The following SRRM4 variants were observed in gnomAD, a reference collection of about 807,000 sequenced individuals.
SRRM4 encodes the protein serine/arginine repetitive matrix 4.
A neutral mutation model predicts 68.9 loss-of-function variants in SRRM4; 33 were observed. That is an observed-to-expected ratio of 0.48 (90% CI 0.36 to 0.64). SRRM4 has a LOEUF of 0.64. SRRM4 is among the 30% of genes least tolerant of loss of function. The probability of loss-of-function intolerance (pLI) is 0.00; values close to 1 mark genes in which losing one functional copy is unlikely to be tolerated. For missense variants in SRRM4, 817 were observed against 827.1 expected, an observed-to-expected ratio of 0.99 and a Z score of 0.15; for synonymous variants, 318 against 318.8, an observed-to-expected ratio of 1.00 and a Z score of 0.03.
intron 11 of SRRM4, among the ~76,000 whole-genome samples, chr12:119,153,915 A>G (rs903548630): frequency 4.0e-5 from 6 of 151,648 alleles, no homozygotes; most frequent in Non-Finnish European, 5.9e-5. Flanking sequence ...GACCGTCCCC[A>G]TATTCAGAGC....
At chr12:119,144,848 G>C (rs1027075945) in intron 8 of SRRM4, among the ~76,000 whole-genome samples, 1 of 151,738 alleles carries the variant, frequency 6.6e-6, no homozygotes, top group African/African-American at 2.4e-5. Context: ...ATTTGTTTAG[G>C]TTTCTATTCA....
chr12:119,013,475 T>TA lies in SRRM4; in HGVS notation c.131+31468dup, dbSNP rs1398800469. Among the ~76,000 whole-genome samples, 13 of 152,338 alleles carry TA rather than the reference T, an allele frequency of 8.5e-5. 1 individual carries two copies. The highest frequency in any genetic ancestry group is 4.1e-4 in the South Asian group (2 of 4,828). On this transcript the variant is annotated intron_variant, in intron 1 of 12. Coordinates refer to ENST00000267260, the MANE Select transcript of SRRM4 (RefSeq NM_194286.4). ...TTTATAAAAAGTACTGCAGAAGTAT[T>TA]AAAAAACCCCAAAATTTCCTTCATC...
At chr12:119,006,764 T>C (rs1256975754) in intron 1 of SRRM4, among the ~76,000 whole-genome samples, 3 of 152,236 alleles carry the variant, frequency 2.0e-5, no homozygotes, top group Non-Finnish European at 2.9e-5. Context: ...ACTGATTCTA[T>C]TGGTCAAATG....
At chr12:119,153,346 G>A (rs1328271273) in intron 10 of SRRM4, among the ~76,000 whole-genome samples, 193 bp from the exon 11 acceptor site, 2 of 143,904 alleles carry the variant, frequency 1.4e-5, no homozygotes, top group Non-Finnish European at 3.0e-5. Flanking sequence ...GCACAAAATA[G>A]AAGTTGTTGG....
At chr12:119,072,651 A>G (rs1053119037) in intron 1 of SRRM4, among the ~76,000 whole-genome samples, 3 of 152,126 alleles carry the variant, frequency 2.0e-5, no homozygotes, top group African/African-American at 7.2e-5. Context: ...GGACACCACC[A>G]GGTCCTAGCC....
In SRRM4 at chr12:119,160,879, A is replaced by G. The variant is rs191615244; in HGVS notation, c.*4081A>G. On this transcript the variant is annotated 3_prime_UTR_variant, in exon 13 of 13. Transcript: ENST00000267260. ...TAATTAGGCAAGGCTAAGTAACTCA[A>G]AGCCCCCTATTAGTAACATTCTGGT... is the stretch of plus-strand genomic sequence containing the variant. 2.0e-5 allele frequency: 3 copies of G among 152,358 alleles called. No individual in the cohort carries two copies. Among genetic ancestry groups the G allele is most frequent in the Admixed American group, 6.5e-5 (1 of 15,296 alleles). 9.4% of individuals were successfully genotyped at this position (152,358 alleles called of 1,614,324 possible).
intron 1 of SRRM4, among the ~76,000 whole-genome samples, chr12:119,007,730 A>G (rs1953424419): frequency 6.6e-6 from 1 of 152,218 alleles, no homozygotes; most frequent in Non-Finnish European, 1.5e-5. Context: ...GGGACTTGAA[A>G]TACGGTTCTC....
In SRRM4 at chr12:119,145,391, C is replaced by T. The variant is rs537693216; in HGVS notation, c.782C>T (p.Ser261Leu). The change falls in exon 9 of 13, where the codon TCG (serine) becomes TTG (leucine). Residue 261 changes from serine to leucine, a missense_variant. By Grantham distance (145) the Ser-to-Leu change is moderately radical (BLOSUM62 -2). Coordinates refer to ENST00000267260, the MANE Select transcript of SRRM4 (RefSeq NM_194286.4). ...YLSARGVITG[S>L]GSAADLFTKT... The stretch of plus-strand genomic sequence containing the variant: ...TCTTTTTGCTTTCAGATCACTGGGT[C>T]GGGGTCTGCTGCTGACCTCTTTACC... 8 of 1,602,950 alleles carry T rather than the reference C, an allele frequency of 5.0e-6. No individual in the cohort carries two copies. Among genetic ancestry groups the T allele is most frequent in the African/African-American group, 4.0e-5 (3 of 74,846 alleles).
At chr12:119,141,574 C>A (rs1344887606) in intron 8 of SRRM4, among the ~76,000 whole-genome samples, 2 of 152,144 alleles carry the variant, frequency 1.3e-5, no homozygotes, top group African/African-American at 4.8e-5. Flanking sequence ...CCAGCTGGAT[C>A]CCACCTGGGC....
intron 1 of SRRM4, among the ~76,000 whole-genome samples, chr12:119,021,648 CT>C (rs1829688093): frequency 6.6e-6 from 1 of 152,172 alleles, no homozygotes. Context: ...GACCCCACCC[CT>C]GAACTAAAGT....
chr12:119,151,921 A>G (rs1954442004), intron 10 of SRRM4, among the ~76,000 whole-genome samples: 1 of 152,208 alleles, frequency 6.6e-6, no homozygotes, highest in Admixed American at 6.5e-5. Context: ...GTACAGATTC[A>G]AGGGTATTCC....
intron 1 of SRRM4, among the ~76,000 whole-genome samples, chr12:119,027,866 G>A (rs2136004652): frequency 6.6e-6 from 1 of 152,324 alleles, no homozygotes; most frequent in African/African-American, 2.4e-5. Flanking sequence ...TTCGGGGCCT[G>A]TACTTTTATA....
chr12:119,131,414 G>A (rs950062806), intron 8 of SRRM4, among the ~76,000 whole-genome samples: 2 of 152,182 alleles, frequency 1.3e-5, no homozygotes, highest in Non-Finnish European at 2.9e-5. Context: ...GTTCTCACTA[G>A]TCCCTTCTAC....
intron 1 of SRRM4, among the ~76,000 whole-genome samples, chr12:119,094,978 A>G (rs1408531272): frequency 6.6e-6 from 1 of 152,230 alleles, no homozygotes; most frequent in Non-Finnish European, 1.5e-5. Context: ...TTTCTACTAA[A>G]ATGAACATTA....
intron 7 of SRRM4, among the ~76,000 whole-genome samples, chr12:119,129,915 GGATGGTTA>G (rs1565915351): frequency 6.7e-6 from 1 of 150,050 alleles, no homozygotes; most frequent in Non-Finnish European, 1.5e-5. Flanking sequence ...ATGGATGGAT[GGATGGTTA>G]GATGGTTAGT....
At chr12:119,080,440 G>A (rs1236430762) in intron 1 of SRRM4, among the ~76,000 whole-genome samples, 1 of 152,094 alleles carries the variant, frequency 6.6e-6, no homozygotes, top group East Asian at 1.9e-4. Context: ...TTGTCTATGT[G>A]ATAACTCATT....
In SRRM4 at chr12:119,157,732, C is replaced by A. The variant is rs1311696424; in HGVS notation, c.*934C>A. The A allele has an allele frequency of 6.6e-6, 1 of 152,476 alleles. No individual in the cohort carries two copies. Among genetic ancestry groups the A allele is most frequent in the South Asian group, 2.1e-4 (1 of 4,826 alleles). 9.4% of individuals were successfully genotyped at this position (152,476 alleles called of 1,614,324 possible). A position where few individuals can be genotyped will look rare whatever the true frequency, so the allele number is the denominator to read the frequency against. ...CATTCCCCAGTGCCATGGCCAGTTG[C>A]CAGGCCCCAGCGCCAGCCAGTCTGG... On this transcript the variant is annotated 3_prime_UTR_variant, in exon 13 of 13. Coordinates refer to ENST00000267260, the MANE Select transcript of SRRM4 (RefSeq NM_194286.4). The surrounding 1 kb of genome is among the most constrained non-coding windows in gnomAD (Gnocchi z 4.1).
intron 11 of SRRM4, among the ~76,000 whole-genome samples, chr12:119,153,961 C>T (rs918555699): frequency 2.0e-5 from 3 of 152,138 alleles, no homozygotes; most frequent in Non-Finnish European, 4.4e-5. Context: ...GCCTGCGTAA[C>T]ATTCACGTCC....
At chr12:119,126,520 T>G (rs1004543434) in intron 7 of SRRM4, among the ~76,000 whole-genome samples, 7 of 152,168 alleles carry the variant, frequency 4.6e-5, no homozygotes, top group African/African-American at 1.7e-4. Context: ...GGGACCACTC[T>G]AAGCACAGAG....
Sources: allele counts gnomAD v4.1 joint callset (sites outside exome capture counted in the v4.1 genomes callset), GRCh38; gene constraint gnomAD v4.1.1; non-coding constraint Gnocchi (gnomAD v3.1); transcripts MANE v1.5; gene names NCBI Gene and HGNC (gene_info 2026-07-23, HGNC 2026-07-21).